Variants in GALNT13 observed in about 807,000 individuals in gnomAD.
GALNT13 encodes polypeptide N-acetylgalactosaminyltransferase 13, also known as UDP-GalNAc:polypeptide N-acetylgalactosaminyltransferase 13.
GALNT13 carries 28 observed loss-of-function variants against 64.2 expected under a neutral mutation model. The observed-to-expected ratio is 0.44, with a 90% CI of 0.32 to 0.60. GALNT13 has a LOEUF of 0.60. GALNT13 is among the 20% of genes least tolerant of loss of function. GALNT13 has a pLI of 0.05. For missense variants in GALNT13, 577 were observed against 669.8 expected (o/e 0.86, Z 1.53); for synonymous variants, 214 against 224.6 (o/e 0.95, Z 0.42).
the GALNT13 span, among the ~76,000 whole-genome samples, chr2:153,376,368 G>C: frequency 3.9e-5 from 6 of 152,118 alleles, no homozygotes; most frequent in Admixed American, 2.0e-4. Context: ...GATAAGAAAG[G>C]CTGAGTTCAC....
the GALNT13 span, among the ~76,000 whole-genome samples, chr2:153,097,995 A>G: frequency 6.6e-6 from 1 of 152,122 alleles, no homozygotes; most frequent in African/African-American, 2.4e-5. Context: ...GAACCCAGGA[A>G]GCGGAGATTG....
the GALNT13 span, among the ~76,000 whole-genome samples, chr2:153,567,724 A>G: frequency 1.3e-5 from 2 of 152,356 alleles, no homozygotes; most frequent in East Asian, 3.9e-4. Flanking sequence ...GTGGTTAGGC[A>G]AAAATTGCTT....
At chr2:153,579,108 G>C in the GALNT13 span, among the ~76,000 whole-genome samples, 2 of 152,258 alleles carry the variant, frequency 1.3e-5, no homozygotes, top group East Asian at 3.9e-4. Context: ...TCATCCAATG[G>C]GAAAACCTGA....
the GALNT13 span, among the ~76,000 whole-genome samples, chr2:153,443,341 C>A: frequency 6.6e-6 from 1 of 152,184 alleles, no homozygotes; most frequent in African/African-American, 2.4e-5. Context: ...TGTGTTGACA[C>A]TCCACCCTGC....
chr2:153,910,410 T>A (rs1199319304), intron 2 of GALNT13, among the ~76,000 whole-genome samples: 1 of 152,126 alleles, frequency 6.6e-6, no homozygotes, highest in Non-Finnish European at 1.5e-5. Flanking sequence ...ATCTTTTGAA[T>A]GGTTTTTTTA....
the GALNT13 span, among the ~76,000 whole-genome samples, chr2:153,745,151 A>G: frequency 6.6e-6 from 1 of 152,176 alleles, no homozygotes; most frequent in Admixed American, 6.6e-5. Flanking sequence ...GAGGACACCA[A>G]ACAGAATACT....
chr2:154,219,078 A>G (rs1481740300), intron 4 of GALNT13, among the ~76,000 whole-genome samples: 1 of 152,078 alleles, frequency 6.6e-6, no homozygotes, highest in Admixed American at 6.6e-5. Context: ...TTCAAAATTA[A>G]TCACCAAGAA....
the GALNT13 span, among the ~76,000 whole-genome samples, chr2:153,839,898 C>T: frequency 6.6e-6 from 1 of 151,708 alleles, no homozygotes; most frequent in Non-Finnish European, 1.5e-5. Context: ...AAGTGTACTG[C>T]CAAAATAATG....
chr2:153,567,471 G>C, the GALNT13 span, among the ~76,000 whole-genome samples: 1 of 152,246 alleles, frequency 6.6e-6, no homozygotes. Flanking sequence ...TGAGTAACAG[G>C]TGAATACCCT....
At chr2:153,085,947 G>C in the GALNT13 span, among the ~76,000 whole-genome samples, 1 of 152,218 alleles carries the variant, frequency 6.6e-6, no homozygotes, top group Non-Finnish European at 1.5e-5. Context: ...CAGGGGCAGA[G>C]CTGCCAAAGC....
the GALNT13 span, among the ~76,000 whole-genome samples, chr2:153,723,101 C>T: frequency 2.8e-5 from 4 of 145,230 alleles, no homozygotes; most frequent in African/African-American, 1.0e-4. Context: ...AAAGCTTATC[C>T]ACCATGATCA....
intron 7 of GALNT13, among the ~76,000 whole-genome samples, chr2:154,254,086 G>A (rs896281622): frequency 5.3e-5 from 8 of 152,114 alleles, no homozygotes; most frequent in African/African-American, 1.9e-4. Context: ...TGCCTAGAGT[G>A]TATAACATTT....
At chr2:153,280,855 T>C in the GALNT13 span, among the ~76,000 whole-genome samples, 5 of 152,102 alleles carry the variant, frequency 3.3e-5, no homozygotes, top group African/African-American at 1.2e-4. Flanking sequence ...ATGGATGGAG[T>C]ATTCTGCAGA....
chr2:154,077,466 T>G (rs1286604291), intron 3 of GALNT13, among the ~76,000 whole-genome samples: 1 of 151,528 alleles, frequency 6.6e-6, no homozygotes, highest in East Asian at 1.9e-4. Context: ...CACAAAAAAT[T>G]ATTCCATATC....
chr2:153,529,723 G>A, the GALNT13 span, among the ~76,000 whole-genome samples: 2 of 152,006 alleles, frequency 1.3e-5, no homozygotes, highest in Non-Finnish European at 2.9e-5. Flanking sequence ...AGTGGGATTT[G>A]TCACTGGGAT....
At chr2:153,602,304 T>A in the GALNT13 span, among the ~76,000 whole-genome samples, 3 of 151,834 alleles carry the variant, frequency 2.0e-5, no homozygotes, top group Non-Finnish European at 2.9e-5. Flanking sequence ...TCCAAATCCC[T>A]GCTTTCACGG....
intron 1 of GALNT13, among the ~76,000 whole-genome samples, chr2:153,876,270 G>A (rs1030593443): frequency 2.7e-5 from 4 of 150,620 alleles, no homozygotes; most frequent in Admixed American, 1.3e-4. Context: ...GTTTGAAAAC[G>A]TAAATCACAT....
At chr2:153,190,438 T>C in the GALNT13 span, among the ~76,000 whole-genome samples, 7 of 152,110 alleles carry the variant, frequency 4.6e-5, no homozygotes, top group African/African-American at 1.7e-4. Context: ...TTGATTTGTC[T>C]ATGTGTCTGT....
intron 9 of GALNT13, among the ~76,000 whole-genome samples, chr2:154,359,640 G>A (rs1333663058): frequency 1.3e-5 from 2 of 151,990 alleles, no homozygotes; most frequent in South Asian, 2.1e-4. Flanking sequence ...TAGGCCACTC[G>A]TTCTTCCTCC....
Sources: allele counts gnomAD v4.1 joint callset (sites outside exome capture counted in the v4.1 genomes callset), GRCh38; gene constraint gnomAD v4.1.1; transcripts MANE v1.5; gene names NCBI Gene and HGNC (gene_info 2026-07-23, HGNC 2026-07-21).